Variants in BAZ2B observed in about 807,000 individuals in gnomAD.
BAZ2B encodes the protein bromodomain adjacent to zinc finger domain 2B.
BAZ2B carries 91 observed loss-of-function variants against 246.0 expected under a neutral mutation model. The observed-to-expected ratio is 0.37, with a 90% CI of 0.31 to 0.44. The LOEUF (loss-of-function observed/expected upper bound fraction) is 0.44, where lower values mean the gene tolerates loss of function less well. BAZ2B is among the 20% of genes least tolerant of loss of function. The pLI, the probability that BAZ2B is intolerant of heterozygous loss-of-function variation, is 1.00. For missense variants in BAZ2B, 2,332 were observed against 2,533.7 expected (o/e 0.92, Z 1.71); for synonymous variants, 855 against 860.0 (o/e 0.99, Z 0.10).
At chr2:159,683,479 T>C in the BAZ2B span, among the ~76,000 whole-genome samples, 2 of 152,208 alleles carry the variant, frequency 1.3e-5, no homozygotes, top group African/African-American at 4.8e-5. Flanking sequence ...AACCAAAATA[T>C]AGAACAGTTC....
intron 20 of BAZ2B, among the ~76,000 whole-genome samples, chr2:159,393,453 C>A (rs879105433): frequency 6.6e-6 from 1 of 152,094 alleles, no homozygotes; most frequent in Non-Finnish European, 1.5e-5. Flanking sequence ...AGTTGCCCTG[C>A]CATTTCTTTT....
chr2:159,542,291 C>A (rs1465129864), intron 2 of BAZ2B, among the ~76,000 whole-genome samples: 2 of 152,050 alleles, frequency 1.3e-5, no homozygotes, highest in Non-Finnish European at 2.9e-5. Context: ...ATGGAAACTT[C>A]CCAAATTTGA....
intron 20 of BAZ2B, chr2:159,395,480 G>T (rs1179860130): frequency 1.4e-5 from 3 of 209,096 alleles, no homozygotes; most frequent in African/African-American, 2.3e-5. Context: ...CTAGTTTTGT[G>T]AAACTCTGGT....
At chr2:159,711,669 TAC>T in the BAZ2B span, among the ~76,000 whole-genome samples, 5 of 152,212 alleles carry the variant, frequency 3.3e-5, no homozygotes, top group Non-Finnish European at 7.3e-5. Context: ...TCTAAATATT[TAC>T]ACATAGTTAG....
intron 1 of BAZ2B, among the ~76,000 whole-genome samples, chr2:159,557,241 G>A: frequency 7.7e-6 from 1 of 130,474 alleles, no homozygotes; most frequent in East Asian, 2.3e-4. Context: ...TTTTTTTTGA[G>A]ATACGGGGTC....
chr2:159,659,049 A>T, the BAZ2B span, among the ~76,000 whole-genome samples: 2 of 152,202 alleles, frequency 1.3e-5, no homozygotes, highest in African/African-American at 4.8e-5. Flanking sequence ...TGGGTACTAG[A>T]ATAATTCCAG....
At chr2:159,481,244 A>G (rs1439158564) in intron 2 of BAZ2B, among the ~76,000 whole-genome samples, 1 of 152,014 alleles carries the variant, frequency 6.6e-6, no homozygotes, top group African/African-American at 2.4e-5. Context: ...CTGGCCATCA[A>G]CTTGATAGTT....
chr2:159,329,877 A>G (rs940454135), intron 34 of BAZ2B, among the ~76,000 whole-genome samples: 4 of 152,202 alleles, frequency 2.6e-5, no homozygotes, highest in African/African-American at 9.6e-5. Flanking sequence ...AAGAAAATTT[A>G]TTGAAAACAA....
intron 2 of BAZ2B, among the ~76,000 whole-genome samples, chr2:159,491,720 C>CAAAAAAAAAAAAAAAAAAAAA (rs773067675): frequency 2.0e-4 from 6 of 29,554 alleles, no homozygotes; most frequent in Middle Eastern, 0.028. Flanking sequence ...GACTCCGTCT[C>CAAAAAAAAAAAAAAAAAAAAA]AAAAAAAAAA....
At chr2:159,551,284 A>G (rs1353824863) in intron 2 of BAZ2B, among the ~76,000 whole-genome samples, 1 of 152,112 alleles carries the variant, frequency 6.6e-6, no homozygotes, top group Non-Finnish European at 1.5e-5. Context: ...CCTGGCTAAC[A>G]TGGTGAAACC....
At chr2:159,631,038 T>A in the BAZ2B span, among the ~76,000 whole-genome samples, 7 of 151,822 alleles carry the variant, frequency 4.6e-5, no homozygotes, top group African/African-American at 1.7e-4. Flanking sequence ...TACAAAAAAA[T>A]TTTAAAATTT....
At chr2:159,474,606 T>C (rs766315702) in intron 3 of BAZ2B, among the ~76,000 whole-genome samples, 3 of 152,228 alleles carry the variant, frequency 2.0e-5, no homozygotes, top group Non-Finnish European at 4.4e-5. Flanking sequence ...ATTATGACGC[T>C]AGTTGGTTAT....
At chr2:159,340,738 G>C (rs1371465322) in intron 31 of BAZ2B, among the ~76,000 whole-genome samples, 1 of 151,952 alleles carries the variant, frequency 6.6e-6, no homozygotes, top group Non-Finnish European at 1.5e-5. Flanking sequence ...TCACCACTAG[G>C]CTAAACATGC....
In BAZ2B at chr2:159,433,304, C is replaced by T. The variant is rs773364542; in HGVS notation, c.1353G>A (p.Leu451=). 26 of 1,613,978 alleles carry T rather than the reference C, an allele frequency of 1.6e-5. No homozygotes were observed. The highest frequency in any genetic ancestry group is 2.1e-5 in the Non-Finnish European group (25 of 1,180,030). The stretch of plus-strand genomic sequence containing the variant: ...TTGACAAAGCTGCAATAACCTTCTT[C>T]AGGCTCTTCGATGACTCTTGTTTCT... ...QLKKQESSKS[L]KKVIAALSNP... The change falls in exon 9 of 37, where the codon CTG becomes CTA. Residue 451 remains leucine, a synonymous_variant. Transcript: ENST00000392783.
chr2:159,686,255 C>T, the BAZ2B span, among the ~76,000 whole-genome samples: 2 of 152,068 alleles, frequency 1.3e-5, no homozygotes, highest in Non-Finnish European at 2.9e-5. Context: ...TATAGAGCTA[C>T]TTTAAAAAGA....
chr2:159,402,894 T>C (rs2065309619), intron 16 of BAZ2B, among the ~76,000 whole-genome samples: 1 of 152,206 alleles, frequency 6.6e-6, no homozygotes, highest in Non-Finnish European at 1.5e-5. Flanking sequence ...ATTTAATATC[T>C]TGTCAATCAT....
intron 27 of BAZ2B, among the ~76,000 whole-genome samples, chr2:159,368,857 C>CT: frequency 1.9e-5 from 1 of 53,384 alleles, no homozygotes; most frequent in Non-Finnish European, 4.9e-5. Context: ...TCTGAAAGGC[C>CT]TAAAAAAAAA....
intron 2 of BAZ2B, among the ~76,000 whole-genome samples, chr2:159,503,833 G>A (rs1437594630): frequency 2.6e-5 from 4 of 152,124 alleles, no homozygotes; most frequent in African/African-American, 7.2e-5. Flanking sequence ...CACCTGCCTC[G>A]GCCTCCCAAA....
At chr2:159,617,096 T>G (rs1257697312), upstream of BAZ2B, 2 of 152,226 alleles carry the variant, frequency 1.3e-5, no homozygotes, top group Non-Finnish European at 1.5e-5. Context: ...ATAGTCGTTT[T>G]AAAGTTATAT....
Sources: allele counts gnomAD v4.1 joint callset (sites outside exome capture counted in the v4.1 genomes callset), GRCh38; gene constraint gnomAD v4.1.1; transcripts MANE v1.5; gene names NCBI Gene and HGNC (gene_info 2026-07-23, HGNC 2026-07-21).